PIP5K1C: variants seen among roughly 807,000 people sequenced by gnomAD.
PIP5K1C encodes the protein phosphatidylinositol 4-phosphate 5-kinase type-1 gamma.
A neutral mutation model predicts 80.1 loss-of-function variants in PIP5K1C; 45 were observed. The ratio of observed to expected loss-of-function variants is 0.56; its 90% CI spans 0.44 to 0.72. PIP5K1C has a LOEUF of 0.72. Among genes scored for constraint, PIP5K1C ranks in the 30% least tolerant of loss-of-function variants. The probability of loss-of-function intolerance (pLI) is 0.00; values close to 1 mark genes in which losing one functional copy is unlikely to be tolerated. For synonymous variants in PIP5K1C, 498 were observed against 420.1 expected (o/e 1.19, Z -2.27); for missense variants, 753 against 954.6 (o/e 0.79, Z 2.78).
At chr19:3,650,759 CTTT>C (rs547652546) in intron 8 of PIP5K1C, among the ~76,000 whole-genome samples, 1 of 151,864 alleles carries the variant, frequency 6.6e-6, no homozygotes, top group African/African-American at 2.4e-5. Context: ...GTGGCAGCCA[CTTT>C]TTTTTTCTTT....
intron 16 of PIP5K1C, among the ~76,000 whole-genome samples, chr19:3,635,129 A>C (rs1424209965): frequency 6.6e-6 from 1 of 152,236 alleles, no homozygotes; most frequent in Non-Finnish European, 1.5e-5. Flanking sequence ...CTGAGCCCTG[A>C]AAGAACTGGC....
At position 3,653,377 on chromosome 19, in the gene PIP5K1C, C is replaced by T. The variant is rs115294638; in HGVS notation, c.834G>A (p.Leu278=). ...CCTCGGGCATGTCCTGCATGAAGTC[C>T]AGGTCCTTGTAGGTGGGGAAGCTCT... is the stretch of plus-strand genomic sequence containing the variant. ...KEKSFPTYKD[L]DFMQDMPEGL... Residue 278 remains leucine (L), a synonymous_variant, in exon 7 of 18, where the codon CTG becomes CTA. Coordinates refer to ENST00000335312, the MANE Select transcript of PIP5K1C (RefSeq NM_012398.3). 1.2e-6 allele frequency: 2 copies of T among 1,612,766 alleles called. No individual in the cohort carries two copies. Among genetic ancestry groups the T allele is most frequent in the East Asian group, 4.5e-5 (2 of 44,880 alleles).
At chr19:3,687,834 G>A (rs931487419) in intron 1 of PIP5K1C, among the ~76,000 whole-genome samples, 1 of 151,888 alleles carries the variant, frequency 6.6e-6, no homozygotes, top group African/African-American at 2.4e-5. Flanking sequence ...CCCCGCAGCA[G>A]GTGGGCGGGC....
At chr19:3,666,171 GC>G (rs2035000925) in intron 2 of PIP5K1C, among the ~76,000 whole-genome samples, 1 of 152,240 alleles carries the variant, frequency 6.6e-6, no homozygotes, top group Non-Finnish European at 1.5e-5. Flanking sequence ...CCAAGCTCTG[GC>G]TACGGACGCA....
intron 1 of PIP5K1C, among the ~76,000 whole-genome samples, chr19:3,686,276 C>T (rs766732976): frequency 6.6e-5 from 10 of 151,204 alleles, no homozygotes; most frequent in African/African-American, 1.2e-4. Context: ...AAAAATTAGC[C>T]GGGCGTGGTG....
chr19:3,690,215 G>C (rs1178493802), intron 1 of PIP5K1C, among the ~76,000 whole-genome samples: 1 of 151,920 alleles, frequency 6.6e-6, no homozygotes, highest in Non-Finnish European at 1.5e-5. Flanking sequence ...TCCAGAAATA[G>C]GCTGGGCGCA....
chr19:3,662,130 G>T, intron 3 of PIP5K1C, 129 bp from the exon 4 acceptor site: 3 of 1,159,042 alleles, frequency 2.6e-6, no homozygotes, highest in Non-Finnish European at 2.4e-6. Context: ...ACCCCCTCCT[G>T]GTGGTCCCCG....
At chr19:3,663,083 C>T (rs896020281) in intron 3 of PIP5K1C, among the ~76,000 whole-genome samples, 4 of 152,224 alleles carry the variant, frequency 2.6e-5, no homozygotes, top group African/African-American at 9.7e-5. Context: ...CCAGGCTGGT[C>T]TCCAACTCCT....
rs564096093 is a variant in PIP5K1C at position 3,645,108 on chromosome 19, A to T, written c.1346-857T>A. Among the ~76,000 whole-genome samples, 6 of 152,330 alleles carry T rather than the reference A, an allele frequency of 3.9e-5. No homozygotes were observed. The East Asian group carries it at 9.7e-4, about 25-fold the overall frequency. Reference sequence around the variant, plus strand: ...GTCCCTGACCTCGAGGCCGTGAGCAAGTGTGCAGGCCGGGAAGAGCAGCCT... The same window carrying T: ...GTCCCTGACCTCGAGGCCGTGAGCATGTGTGCAGGCCGGGAAGAGCAGCCT... On this transcript the variant is annotated intron_variant, in intron 11 of 17. Transcript: ENST00000335312.
intron 3 of PIP5K1C, among the ~76,000 whole-genome samples, chr19:3,662,661 G>T (rs1313736664): frequency 6.6e-6 from 1 of 152,098 alleles, no homozygotes; most frequent in Non-Finnish European, 1.5e-5. Flanking sequence ...CACCTCCCAG[G>T]TTCAAGTGAT....
chr19:3,664,493 G>A (rs79025514), intron 3 of PIP5K1C, among the ~76,000 whole-genome samples: 9,172 of 152,272 alleles, frequency 0.06, 411 homozygotes, highest in Non-Finnish European at 0.092. Context: ...TCCACTGCCC[G>A]AGGTGGTGGT....
At chr19:3,647,280 GCACT>G (rs2034270530) in intron 10 of PIP5K1C, 54 bp downstream of exon 10, 2 of 1,438,386 alleles carry the variant, frequency 1.4e-6, no homozygotes, top group East Asian at 2.5e-5. Context: ...GAGGGTGCAG[GCACT>G]CACAGGAGGA....
chr19:3,657,476 C>T (rs745326939), intron 5 of PIP5K1C, among the ~76,000 whole-genome samples: 16 of 152,174 alleles, frequency 1.1e-4, no homozygotes, highest in Non-Finnish European at 1.8e-4. Flanking sequence ...GCCAGCTCCC[C>T]ATCAGCGGAG....
rs2034331248 is a variant in PIP5K1C at position 3,648,618 on chromosome 19, C to T, written c.1211+7G>A. The T allele has an allele frequency of 3.7e-6, 6 of 1,611,574 alleles. No individual in the cohort carries two copies. Among genetic ancestry groups the T allele is most frequent in the Non-Finnish European group, 4.2e-6 (5 of 1,178,856 alleles). On this transcript the variant is annotated splice_region_variant and intron_variant, in intron 9 of 17. Coordinates refer to ENST00000335312, the MANE Select transcript of PIP5K1C (RefSeq NM_012398.3). This position sits in a 1 kb window ranked among gnomAD's most constrained non-coding sequence, Gnocchi z 4.3. Reference sequence around the variant, plus strand: ...CCACCTGTAGGACTGCAGACCCGGGCACCCACCTGTAGGACTGCAGGATGT... The same window carrying T: ...CCACCTGTAGGACTGCAGACCCGGGTACCCACCTGTAGGACTGCAGGATGT...
At chr19:3,638,323 A>G (rs2145378936) in intron 16 of PIP5K1C, among the ~76,000 whole-genome samples, 1 of 152,220 alleles carries the variant, frequency 6.6e-6, no homozygotes, top group East Asian at 1.9e-4. Context: ...TGCCCTGCCC[A>G]GTAGCAGCCA....
chr19:3,680,306 CTTTTCTT>C (rs2035548673), intron 1 of PIP5K1C, among the ~76,000 whole-genome samples: 1 of 152,146 alleles, frequency 6.6e-6, no homozygotes, highest in African/African-American at 2.4e-5. Flanking sequence ...ATGCAACTGT[CTTTTCTT>C]TTTTCTTTTG....
rs1449975136 is a variant in PIP5K1C, at chr19:3,637,171, G to A, written c.1920+1713C>T. On this transcript the variant is annotated intron_variant, in intron 16 of 17. Coordinates refer to ENST00000335312, the MANE Select transcript of PIP5K1C (RefSeq NM_012398.3). This position sits in a 1 kb window ranked among gnomAD's most constrained non-coding sequence, Gnocchi z 7.0. ...GCCACGGGCAGCCAGGTCTGCACGAGTGAGAAGCGTCCACCCAAGACACCC... is the reference window on the plus strand; with the variant it reads ...GCCACGGGCAGCCAGGTCTGCACGAATGAGAAGCGTCCACCCAAGACACCC... The A allele has an allele frequency of 7.0e-7, 1 of 1,422,234 alleles. No homozygotes were observed. Among genetic ancestry groups the A allele is most frequent in the Admixed American group, 2.9e-5 (1 of 34,384 alleles). 88.1% of individuals were successfully genotyped at this position (1,422,234 alleles called of 1,614,324 possible). A position where few individuals can be genotyped will look rare whatever the true frequency, so the allele number is the denominator to read the frequency against.
rs1400187250 is a variant in PIP5K1C, at chr19:3,688,676, C to T, written c.94+11621G>A. The stretch of plus-strand genomic sequence containing the variant: ...CCTCAGGGCTAGAGACCCGGATGAG[C>T]CCCATGGAGAAACCCGTAGTGAGAG... On this transcript the variant is annotated intron_variant, in intron 1 of 17. Transcript: ENST00000335312. The surrounding 1 kb of genome is among the most constrained non-coding windows in gnomAD (Gnocchi z 5.3). 6.6e-6 allele frequency among the ~76,000 whole-genome samples: 1 copy of T among 152,110 alleles called. No individual in the cohort carries two copies. The highest frequency in any genetic ancestry group is 2.4e-5 in the African/African-American group (1 of 41,394).
intron 1 of PIP5K1C, among the ~76,000 whole-genome samples, chr19:3,687,942 T>C (rs949450401): frequency 6.6e-6 from 1 of 151,944 alleles, no homozygotes; most frequent in Non-Finnish European, 1.5e-5. Flanking sequence ...AGGGCCCCAA[T>C]GTCCAGGGAG....
Sources: gnomAD v4.1 joint callset for allele counts (sites outside exome capture counted in the v4.1 genomes callset) on GRCh38, gnomAD v4.1.1 for gene constraint, Gnocchi (gnomAD v3.1) non-coding constraint, MANE v1.5 for transcripts, NCBI Gene and HGNC (gene_info 2026-07-23, HGNC 2026-07-21) for gene names.